APBB2: variants seen among roughly 807,000 people sequenced by gnomAD.
APBB2 encodes amyloid beta precursor protein binding family B member 2, also known as Fe65-like 1.
In APBB2, 38 loss-of-function variants were observed where a neutral mutation model predicts 82.5. That is an observed-to-expected ratio of 0.46 (90% CI 0.36 to 0.60). APBB2 has a LOEUF of 0.60. Ranked by LOEUF, APBB2 falls within the 20% of genes least tolerant of loss-of-function variation. APBB2 has a pLI of 0.00. For synonymous variants in APBB2, 341 were observed against 368.2 expected (o/e 0.93, Z 0.85); for missense variants, 772 against 972.3 (o/e 0.79, Z 2.74).
At chr4:41,109,146 T>C (rs1580109791) in intron 2 of APBB2, among the ~76,000 whole-genome samples, 1 of 152,214 alleles carries the variant, frequency 6.6e-6, no homozygotes, top group African/African-American at 2.4e-5. Flanking sequence ...CTCGCTGTAA[T>C]CCCGACACTC....
intron 1 of APBB2, among the ~76,000 whole-genome samples, chr4:41,198,833 T>C (rs1326268664): frequency 6.6e-6 from 1 of 152,216 alleles, no homozygotes; most frequent in African/African-American, 2.4e-5. Flanking sequence ...AAGCATCCCT[T>C]GGTTTGTGGC....
At chr4:40,930,444 T>TGC (rs1165262314) in intron 10 of APBB2, among the ~76,000 whole-genome samples, 149 of 60,922 alleles carry the variant, frequency 2.4e-3, no homozygotes, top group African/African-American at 7.2e-3. Context: ...TGTGTGTGTG[T>TGC]GTGTGCGCGC....
At chr4:41,202,833 A>G (rs535452871) in intron 1 of APBB2, among the ~76,000 whole-genome samples, 1 of 152,366 alleles carries the variant, frequency 6.6e-6, no homozygotes, top group East Asian at 1.9e-4. Context: ...TTGACAAGAC[A>G]GCACTGTATT....
intron 10 of APBB2, among the ~76,000 whole-genome samples, chr4:40,908,424 C>T (rs1372319240): frequency 1.3e-5 from 2 of 152,158 alleles, no homozygotes; most frequent in Non-Finnish European, 2.9e-5. Flanking sequence ...CTGACACATT[C>T]CTGTCACCGC....
At chr4:41,205,512 G>A (rs569924418) in intron 1 of APBB2, among the ~76,000 whole-genome samples, 1 of 152,178 alleles carries the variant, frequency 6.6e-6, no homozygotes, top group South Asian at 2.1e-4. Flanking sequence ...GGGATGAAAG[G>A]CAAAGCTATT....
intron 12 of APBB2, among the ~76,000 whole-genome samples, chr4:40,879,230 G>A (rs1767731976): frequency 7.5e-6 from 1 of 133,556 alleles, no homozygotes; most frequent in African/African-American, 2.5e-5. Flanking sequence ...GGAAACTGGT[G>A]CAGCCTCACA....
At chr4:41,202,285 C>T (rs1268155701) in intron 1 of APBB2, among the ~76,000 whole-genome samples, 1 of 152,188 alleles carries the variant, frequency 6.6e-6, no homozygotes, top group Non-Finnish European at 1.5e-5. Context: ...TTACTGTAGG[C>T]AATCCATACA....
At chr4:40,895,664 A>C (rs1323088876) in intron 10 of APBB2, among the ~76,000 whole-genome samples, 2 of 152,212 alleles carry the variant, frequency 1.3e-5, no homozygotes, top group African/African-American at 4.8e-5. Flanking sequence ...CCTGCTCTCC[A>C]GAAAGTGCTG....
chr4:40,822,233 G>A, intron 16 of APBB2, 183 bp from the exon 17 acceptor site: 1 of 627,384 alleles, frequency 1.6e-6, no homozygotes, highest in East Asian at 2.8e-5. Context: ...TGGCTACCCT[G>A]TTCTGGAGGT....
intron 3 of APBB2, among the ~76,000 whole-genome samples, chr4:41,074,699 T>C (rs1735043645): frequency 6.7e-6 from 1 of 150,352 alleles, no homozygotes; most frequent in Non-Finnish European, 1.5e-5. Flanking sequence ...CAGCTCCGCC[T>C]CCCGGGTTCA....
intron 1 of APBB2, among the ~76,000 whole-genome samples, chr4:41,154,704 T>C (rs1054852545): frequency 1.3e-5 from 2 of 152,212 alleles, no homozygotes; most frequent in East Asian, 3.8e-4. Flanking sequence ...AATAAACCTC[T>C]TTAGACATTT....
At chr4:41,026,290 T>C (rs187639127) in intron 5 of APBB2, among the ~76,000 whole-genome samples, 1 of 152,276 alleles carries the variant, frequency 6.6e-6, no homozygotes, top group Admixed American at 6.5e-5. Flanking sequence ...ATGACATGTG[T>C]TTACCTATGT....
chr4:41,164,607 A>AAAAAC (rs145123918), intron 1 of APBB2, among the ~76,000 whole-genome samples: 3,063 of 152,296 alleles, frequency 0.02, 89 homozygotes, highest in African/African-American at 0.071. Context: ...AGTCCCTTTG[A>AAAAAC]AAAACAAAAC....
chr4:40,838,140 ATTAT>A (rs1239183809), intron 12 of APBB2, among the ~76,000 whole-genome samples: 3 of 19,494 alleles, frequency 1.5e-4, no homozygotes, highest in African/African-American at 1.2e-3. Flanking sequence ...AGTGGGCATT[ATTAT>A]TATTATTATT....
chr4:40,848,637 T>C (rs1297756721), intron 12 of APBB2, among the ~76,000 whole-genome samples: 1 of 152,142 alleles, frequency 6.6e-6, no homozygotes, highest in Non-Finnish European at 1.5e-5. Context: ...TTGGTTTAAA[T>C]TACCTTCCTT....
At chr4:40,919,318 A>G (rs568595831) in intron 10 of APBB2, among the ~76,000 whole-genome samples, 1 of 152,328 alleles carries the variant, frequency 6.6e-6, no homozygotes, top group South Asian at 2.1e-4. Context: ...CCATTAACAT[A>G]TAGGAACTTC....
intron 10 of APBB2, among the ~76,000 whole-genome samples, chr4:40,909,293 G>A (rs1031465246): frequency 1.3e-5 from 2 of 152,112 alleles, no homozygotes; most frequent in African/African-American, 2.4e-5. Flanking sequence ...ATTAATTTAC[G>A]GAGAGAAACG....
chr4:41,049,996 C>T (rs1725353156), intron 4 of APBB2, among the ~76,000 whole-genome samples: 1 of 152,124 alleles, frequency 6.6e-6, no homozygotes, highest in African/African-American at 2.4e-5. Context: ...GCCACAGGGT[C>T]CTCTGCCTAG....
Position 40,930,484 on chromosome 4 carries a change from CGTGT to C in APBB2, c.1254+3968_1254+3971del, listed in dbSNP as rs572786728. 2.3e-3 allele frequency among the ~76,000 whole-genome samples: 344 copies of C among 146,654 alleles called. 1 individual carries two copies. The highest frequency in any genetic ancestry group is 4.4e-3 in the Non-Finnish European group (294 of 67,252). On this transcript the variant is annotated intron_variant, in intron 10 of 17. Transcript: ENST00000508593. The stretch of plus-strand genomic sequence containing the variant: ...GCGCGCGCGTGCGCGTGCGCGTATG[CGTGT>C]GTATGTGTGTGGTGATTTTGTGTTG...
Sources: gnomAD v4.1 joint callset for allele counts (sites outside exome capture counted in the v4.1 genomes callset) on GRCh38, gnomAD v4.1.1 for gene constraint, MANE v1.5 for transcripts, NCBI Gene and HGNC (gene_info 2026-07-23, HGNC 2026-07-21) for gene names.